RGS7: variants seen among roughly 807,000 people sequenced by gnomAD.
RGS7 encodes regulator of G-protein signaling 7.
Under a neutral mutation model 81.1 loss-of-function variants are expected in RGS7, and 27 were observed. That is an observed-to-expected ratio of 0.33 (90% CI 0.25 to 0.46). The LOEUF is 0.46. Ranked by LOEUF, RGS7 falls within the 20% of genes least tolerant of loss-of-function variation. RGS7 has a pLI of 1.00. For synonymous variants in RGS7, 208 were observed against 207.7 expected (o/e 1.00, Z -0.01); for missense variants, 396 against 607.4 (o/e 0.65, Z 3.66).
At chr1:240,894,523 C>T (rs1016477694) in intron 6 of RGS7, among the ~76,000 whole-genome samples, 2 of 151,876 alleles carry the variant, frequency 1.3e-5, no homozygotes, top group South Asian at 4.2e-4. Context: ...GATCTTTCTT[C>T]CAATTTACTT....
intron 16 of RGS7, among the ~76,000 whole-genome samples, chr1:240,801,892 C>T (rs1474295957): frequency 2.0e-5 from 3 of 152,150 alleles, no homozygotes; most frequent in Admixed American, 2.0e-4. Flanking sequence ...TTGACAACAT[C>T]ATTAATTCCA....
chr1:240,939,481 A>G (rs1176899069), intron 4 of RGS7, among the ~76,000 whole-genome samples: 1 of 152,184 alleles, frequency 6.6e-6, no homozygotes, highest in Non-Finnish European at 1.5e-5. Context: ...TAAAATGGTA[A>G]GAGGATCTAG....
chr1:240,966,939 G>A (rs1168779447), intron 4 of RGS7, among the ~76,000 whole-genome samples: 1 of 152,086 alleles, frequency 6.6e-6, no homozygotes, highest in Non-Finnish European at 1.5e-5. Flanking sequence ...ATGTTTACTG[G>A]TTACCCAACA....
At chr1:240,939,590 C>T (rs980689728) in intron 4 of RGS7, among the ~76,000 whole-genome samples, 7 of 152,102 alleles carry the variant, frequency 4.6e-5, no homozygotes, top group African/African-American at 1.4e-4. Context: ...ATATGCCATC[C>T]CAAAATACCC....
intron 4 of RGS7, among the ~76,000 whole-genome samples, chr1:240,963,124 G>T (rs890928835): frequency 2.6e-5 from 4 of 152,128 alleles, no homozygotes; most frequent in Non-Finnish European, 5.9e-5. Context: ...ATGTGTTGAT[G>T]GTTGGAATGA....
intron 2 of RGS7, among the ~76,000 whole-genome samples, chr1:241,238,371 CCCA>C (rs1485331269): frequency 6.6e-6 from 1 of 152,136 alleles, no homozygotes; most frequent in African/African-American, 2.4e-5. Flanking sequence ...TTGCTTGCAA[CCCA>C]CCATCTGAGT....
At chr1:241,061,952 A>G (rs1478613859) in intron 3 of RGS7, among the ~76,000 whole-genome samples, 1 of 152,220 alleles carries the variant, frequency 6.6e-6, no homozygotes, top group Non-Finnish European at 1.5e-5. Flanking sequence ...AACACTCAAG[A>G]ATCACAACAT....
At chr1:240,801,109 G>T (rs760149389) in intron 17 of RGS7, among the ~76,000 whole-genome samples, 8 of 151,980 alleles carry the variant, frequency 5.3e-5, no homozygotes, top group Non-Finnish European at 1.2e-4. Context: ...CTAAGGGAAA[G>T]AGCATAGAAA....
At chr1:241,336,817 T>A (rs576956528) in intron 2 of RGS7, among the ~76,000 whole-genome samples, 2 of 152,322 alleles carry the variant, frequency 1.3e-5, no homozygotes, top group South Asian at 2.1e-4. Flanking sequence ...ATCACAGTTA[T>A]CACAATAATC....
At chr1:241,061,262 G>A (rs111428589) in intron 3 of RGS7, among the ~76,000 whole-genome samples, 2,143 of 152,284 alleles carry the variant, frequency 0.014, 24 homozygotes, top group Middle Eastern at 0.024. Flanking sequence ...CTGTATTTTG[G>A]TGGAAATAAA....
intron 2 of RGS7, among the ~76,000 whole-genome samples, chr1:241,158,563 C>T (rs772613557): frequency 6.6e-6 from 1 of 152,084 alleles, no homozygotes; most frequent in Non-Finnish European, 1.5e-5. Context: ...TAAGTGCAGC[C>T]GTGTTAATGT....
At chr1:240,897,212 T>A (rs1274542469) in intron 6 of RGS7, among the ~76,000 whole-genome samples, 7 of 152,322 alleles carry the variant, frequency 4.6e-5, no homozygotes, top group Admixed American at 1.3e-4. Context: ...AATAATACAA[T>A]CATGTCATCT....
intron 3 of RGS7, among the ~76,000 whole-genome samples, chr1:241,030,336 G>C (rs973106062): frequency 9.4e-6 from 1 of 106,726 alleles, no homozygotes; most frequent in African/African-American, 3.3e-5. Context: ...TGATTGAGTT[G>C]CTTTGTTTTT....
intron 3 of RGS7, among the ~76,000 whole-genome samples, chr1:241,058,112 C>T (rs1292238835): frequency 1.3e-5 from 2 of 152,154 alleles, no homozygotes; most frequent in East Asian, 1.9e-4. Context: ...GCACCTGAAA[C>T]TGGTTATCAT....
intron 2 of RGS7, chr1:241,132,224 C>G (rs2067148844): frequency 6.5e-6 from 1 of 154,654 alleles, no homozygotes. Flanking sequence ...CAGGGAGGCC[C>G]AATTTTTTTC....
intron 3 of RGS7, among the ~76,000 whole-genome samples, chr1:241,062,806 C>T (rs1377847897): frequency 4.6e-5 from 7 of 152,142 alleles, no homozygotes; most frequent in Non-Finnish European, 1.5e-5. Context: ...TAGAGTATAG[C>T]CCTGGTTTGA....
chr1:241,210,897 A>G (rs2074205624), intron 2 of RGS7, among the ~76,000 whole-genome samples: 1 of 152,222 alleles, frequency 6.6e-6, no homozygotes, highest in South Asian at 2.1e-4. Context: ...ATAGATCAAC[A>G]TAAGAAAATT....
intron 2 of RGS7, among the ~76,000 whole-genome samples, chr1:241,259,667 AATATAT>A (rs59037983): frequency 4.1e-5 from 2 of 49,144 alleles, no homozygotes; most frequent in East Asian, 1.2e-3. Flanking sequence ...AAAAAAAAAA[AATATAT>A]ATATATATAT....
Position 240,776,229 on chromosome 1 carries a change from A to C in RGS7, c.*7-16T>G. On this transcript the variant is annotated splice_polypyrimidine_tract_variant and intron_variant, in intron 18 of 18. Coordinates refer to ENST00000440928, the MANE Select transcript of RGS7 (RefSeq NM_001364886.1). ...GAGATTTCCCCTGAGAAAATATATA[A>C]AACAAGAGAAAAGAAAGAAAATCAA... 1 of 1,589,218 alleles carries C rather than the reference A, an allele frequency of 6.3e-7. No individual in the cohort carries two copies.
Sources: allele counts gnomAD v4.1 joint callset (sites outside exome capture counted in the v4.1 genomes callset), GRCh38; gene constraint gnomAD v4.1.1; transcripts MANE v1.5; gene names NCBI Gene and HGNC (gene_info 2026-07-23, HGNC 2026-07-21).